Variants in BNIPL observed in about 807,000 individuals in gnomAD.
The protein encoded by BNIPL is bcl-2/adenovirus E1B 19 kDa-interacting protein 2-like protein.
A neutral mutation model predicts 47.0 loss-of-function variants in BNIPL; 33 were observed. The ratio of observed to expected loss-of-function variants is 0.70; its 90% CI spans 0.53 to 0.94. The LOEUF is 0.94. Ranked by LOEUF, BNIPL falls within the 40% of genes least tolerant of loss-of-function variation. BNIPL has a pLI of 0.00. For synonymous variants in BNIPL, 145 were observed against 162.7 expected, an observed-to-expected ratio of 0.89 and a Z score of 0.83; for missense variants, 404 against 445.2, an observed-to-expected ratio of 0.91 and a Z score of 0.83.
chr1:151,042,026 TTTATTA>T (rs587703205), intron 4 of BNIPL, among the ~76,000 whole-genome samples: 8 of 151,532 alleles, frequency 5.3e-5, no homozygotes, highest in East Asian at 3.9e-4. Context: ...GAATAATTTA[TTTATTA>T]TTATTATTAT....
At chr1:151,043,561 TA>T in intron 6 of BNIPL, 34 bp from the exon 7 acceptor site, 1 of 1,597,420 alleles carries the variant, frequency 6.3e-7, no homozygotes, top group Non-Finnish European at 8.6e-7. Context: ...CTGAAGCCCC[TA>T]ACACATACCT....
At position 151,047,440 on chromosome 1, in the gene BNIPL, C is replaced by T. The variant is rs1036525186; in HGVS notation, c.*753C>T. On this transcript the variant is annotated 3_prime_UTR_variant, in exon 10 of 10. Transcript: ENST00000368931. Reference sequence around the variant, plus strand: ...AGCCAGGAGAGTCAGCTCATTAAATCTTGAAGAACCGCTGTATGCCCTTTT... The same window carrying T: ...AGCCAGGAGAGTCAGCTCATTAAATTTTGAAGAACCGCTGTATGCCCTTTT... 10 of 171,786 alleles carry T rather than the reference C, an allele frequency of 5.8e-5. No individual in the cohort carries two copies. Among genetic ancestry groups the T allele is most frequent in the African/African-American group, 2.4e-4 (10 of 41,982 alleles). 10.6% of individuals were successfully genotyped at this position (171,786 alleles called of 1,614,324 possible).
chr1:151,044,974 A>G (rs192784135), intron 7 of BNIPL: 1 of 1,282,224 alleles, frequency 7.8e-7, no homozygotes, highest in Non-Finnish European at 1.0e-6. Context: ...GAGCAGAAAA[A>G]GACCAGGTGG....
chr1:151,043,601 T>C lies in BNIPL; in HGVS notation c.725T>C (p.Met242Thr), dbSNP rs1256884897. 3.7e-6 allele frequency: 6 copies of C among 1,611,208 alleles called. No individual in the cohort carries two copies. The highest frequency in any genetic ancestry group is 4.5e-5 in the East Asian group (2 of 44,878). The change falls in exon 7 of 10, where the codon ATG (methionine) becomes ACG (threonine). Residue 242 changes from methionine to threonine, a missense_variant. Physicochemically the swap from Met to Thr is moderately conservative, Grantham distance 81 (BLOSUM62 -1). Coordinates refer to ENST00000368931, the MANE Select transcript of BNIPL (RefSeq NM_138278.4). The part of the protein sequence containing the change: ...TYVMEHLFRY[M>T]VGTLELLVAE... ...CTGCAATTTCATCCCCCCAGGTATA[T>C]GGTGGGAACTCTGGAGCTGCTAGTA...
Position 151,043,586 on chromosome 1 carries a change from A to T in BNIPL, c.720-10A>T. On this transcript the variant is annotated splice_polypyrimidine_tract_variant and intron_variant, in intron 6 of 9. Transcript: ENST00000368931. ...TAACACATACCTTCCCTGCAATTTCATCCCCCCAGGTATATGGTGGGAACT... is the reference window on the plus strand; with the variant it reads ...TAACACATACCTTCCCTGCAATTTCTTCCCCCCAGGTATATGGTGGGAACT... 6.2e-7 allele frequency: 1 copy of T among 1,607,946 alleles called. No homozygotes were observed. The highest frequency in any genetic ancestry group is 8.5e-7 in the Non-Finnish European group (1 of 1,174,826).
At chr1:151,045,585 AG>A in intron 7 of BNIPL, 1 of 451,534 alleles carries the variant, frequency 2.2e-6, no homozygotes, top group Non-Finnish European at 3.6e-6. Flanking sequence ...AAAAATCTTG[AG>A]AGTTTTTTTA....
At chr1:151,044,730 C>G (rs1359542320) in intron 7 of BNIPL, 4 of 1,091,306 alleles carry the variant, frequency 3.7e-6, no homozygotes, top group African/African-American at 1.7e-5. Context: ...GCTGGGATTA[C>G]AGGTGTGAGC....
Position 151,038,789 on chromosome 1 carries a change from T to C in BNIPL, c.203-7T>C. 2 of 1,566,854 alleles carry C rather than the reference T, an allele frequency of 1.3e-6. No homozygotes were observed. The highest frequency in any genetic ancestry group is 1.7e-4 in the Middle Eastern group (1 of 5,800). ...CATCTTGGTTCTCTTTTTCCCCCTT[T>C]CTCCAGCTGCAGGTACCCCCAGCAC... On this transcript the variant is annotated splice_polypyrimidine_tract_variant and splice_region_variant and intron_variant, in intron 3 of 9. Coordinates refer to ENST00000368931, the MANE Select transcript of BNIPL (RefSeq NM_138278.4).
chr1:151,045,870 C>T lies in BNIPL; in HGVS notation c.925C>T (p.Arg309Trp), dbSNP rs150851524. The change falls in exon 8 of 10, where the codon CGG becomes TGG. Residue 309 changes from arginine (R) to tryptophan (W), a missense_variant. Transcript: ENST00000368931. ...TGTGAAAGCATTTCTGGCACTGCTT[C>T]GGCCCTTCATCAGGTACTAGTTCTA... is the stretch of plus-strand genomic sequence containing the variant. The part of the protein sequence containing the change: ...WYVKAFLALL[R>W]PFISSKFTRK... The T allele has an allele frequency of 2.8e-5, 45 of 1,614,014 alleles. No individual in the cohort carries two copies. Among genetic ancestry groups the T allele is most frequent in the Admixed American group, 3.3e-5 (2 of 59,998 alleles).
intron 7 of BNIPL, chr1:151,045,584 GA>G: frequency 1.8e-6 from 1 of 569,318 alleles, no homozygotes; most frequent in Non-Finnish European, 2.6e-6. Flanking sequence ...AAAAAATCTT[GA>G]GAGTTTTTTT....
chr1:151,045,884 G>A lies in BNIPL; in HGVS notation c.938+1G>A, dbSNP rs745874765. On this transcript the variant is annotated splice_donor_variant, in intron 8 of 9. Coordinates refer to ENST00000368931, the MANE Select transcript of BNIPL (RefSeq NM_138278.4). LOFTEE classifies it high-confidence loss of function. ...TGGCACTGCTTCGGCCCTTCATCAG[G>A]TACTAGTTCTAGGAACAAGGACTCC... 5 of 1,614,074 alleles carry A rather than the reference G, an allele frequency of 3.1e-6. No individual in the cohort carries two copies. In the East Asian group the frequency reaches 1.1e-4, roughly 36 times the overall value.
rs587614784 is a variant in BNIPL, at chr1:151,045,218, G to A, written c.852-579G>A. 2.1e-4 allele frequency among the ~76,000 whole-genome samples: 28 copies of A among 134,874 alleles called. No individual in the cohort carries two copies. In the East Asian group the frequency reaches 4.3e-3, roughly 21 times the overall value. The allele number at this position is 134,874 out of a possible 152,430, so 88.5% of individuals were successfully genotyped here. On this transcript the variant is annotated intron_variant, in intron 7 of 9. Transcript: ENST00000368931. ...GGGAGGTGGAGGGTTGCAGTGAGCC[G>A]AGATCGAGCCACTGACTCCAGCCTG...
chr1:151,039,009 A>G lies in BNIPL; in HGVS notation c.416A>G (p.His139Arg). Residue 139 changes from histidine to arginine, a missense_variant, in exon 4 of 10, where the codon CAT becomes CGT. By Grantham distance (29) the His-to-Arg change is conservative. Coordinates refer to ENST00000368931, the MANE Select transcript of BNIPL (RefSeq NM_138278.4). ...GACTCGGAGCAGCTGGACAGTGGAC[A>G]TGAATTTGAATGGGAAGGTGGGAAA... ...PSDSEQLDSG[H>R]EFEWEDELPR... 4 of 1,581,062 alleles carry G rather than the reference A, an allele frequency of 2.5e-6. No homozygotes were observed. The highest frequency in any genetic ancestry group is 4.5e-5 in the East Asian group (2 of 44,572).
At chr1:151,046,232 T>A in intron 9 of BNIPL, 67 bp downstream of exon 9, 2 of 1,590,488 alleles carry the variant, frequency 1.3e-6, no homozygotes, top group South Asian at 1.1e-5. Context: ...ACTTTTTTAA[T>A]GCCTTGGGGG....
intron 7 of BNIPL, 40 bp from the exon 8 acceptor site, chr1:151,045,757 G>C: frequency 6.2e-7 from 1 of 1,613,780 alleles, no homozygotes; most frequent in East Asian, 2.2e-5. Flanking sequence ...CACACATAAA[G>C]GTGGAAGAAG....
Position 151,045,783 on chromosome 1 carries a change from ATGT to A in BNIPL, c.852-9_852-7del, listed in dbSNP as rs758147118. Reference sequence around the variant, plus strand: ...GTGGAAGAAGAAATAGGATGATCTCATGTTGTTTTTCAGGCTACGGAAAAACCT... The same window carrying A: ...GTGGAAGAAGAAATAGGATGATCTCATGTTTTTCAGGCTACGGAAAAACCT... On this transcript the variant is annotated splice_polypyrimidine_tract_variant and intron_variant, in intron 7 of 9. Coordinates refer to ENST00000368931, the MANE Select transcript of BNIPL (RefSeq NM_138278.4). 4 of 1,613,470 alleles carry A rather than the reference ATGT, an allele frequency of 2.5e-6. No homozygotes were observed. In the Admixed American group the frequency reaches 6.7e-5, roughly 27 times the overall value.
rs755058508 is a variant in BNIPL at position 151,046,078 on chromosome 1, C to T, written c.950C>T (p.Thr317Ile). The change falls in exon 9 of 10, where the codon ACA (threonine) becomes ATA (isoleucine). Residue 317 changes from threonine (T) to isoleucine (I), a missense_variant. Physicochemically the swap from Thr to Ile is moderately conservative, Grantham distance 89 (BLOSUM62 -1). Transcript: ENST00000368931. Reference sequence around the variant, plus strand: ...TTCTCTCTTTTCAGTTCCAAATTCACACGAAAAATCCGTTTTCTGGACAGC... The same window carrying T: ...TTCTCTCTTTTCAGTTCCAAATTCATACGAAAAATCCGTTTTCTGGACAGC... Reference protein sequence around the residue: ...LLRPFISSKFTRKIRFLDSLG... With the variant: ...LLRPFISSKFIRKIRFLDSLG... 3.7e-6 allele frequency: 6 copies of T among 1,614,042 alleles called. No individual in the cohort carries two copies. The highest frequency in any genetic ancestry group is 1.7e-5 in the Admixed American group (1 of 59,998).
rs1181497629 is a variant in BNIPL at position 151,037,657 on chromosome 1, C to G, written c.132C>G (p.Phe44Leu). The G allele has an allele frequency of 6.3e-7, 1 of 1,595,296 alleles. No individual in the cohort carries two copies. Among genetic ancestry groups the G allele is most frequent in the East Asian group, 2.3e-5 (1 of 44,088 alleles). ...ELKEEWQDEEFPRLLPEEAGT... is the reference protein window; with the variant it reads ...ELKEEWQDEELPRLLPEEAGT... ...AGGAGGAATGGCAGGATGAAGAATT[C>G]CCTAGGTGAGGACGTGTGAGGGTGG... The change falls in exon 2 of 10, where the codon TTC (phenylalanine) becomes TTG (leucine). Residue 44 changes from phenylalanine to leucine, a missense_variant. Phe to Leu is a conservative substitution (Grantham distance 22). Transcript: ENST00000368931.
At chr1:151,039,066 G>C (rs754142049) in intron 4 of BNIPL, 40 bp downstream of exon 4, 1 of 1,524,002 alleles carries the variant, frequency 6.6e-7, no homozygotes, top group South Asian at 1.3e-5. Context: ...TAGAAGTAGA[G>C]GCTAGAGCTA....
Sources: gnomAD v4.1 joint callset for allele counts (sites outside exome capture counted in the v4.1 genomes callset) on GRCh38, gnomAD v4.1.1 for gene constraint, MANE v1.5 for transcripts, NCBI Gene and HGNC (gene_info 2026-07-23, HGNC 2026-07-21) for gene names.